The following SLCO3A1 variants were observed in gnomAD, a reference collection of about 807,000 sequenced individuals.
SLCO3A1 encodes solute carrier organic anion transporter family member 3A1, also known as PGE1 transporter.
Under a neutral mutation model 63.1 loss-of-function variants are expected in SLCO3A1, and 27 were observed. The ratio of observed to expected loss-of-function variants is 0.43; its 90% CI spans 0.32 to 0.59. The LOEUF is 0.59. Among genes scored for constraint, SLCO3A1 ranks in the 20% least tolerant of loss-of-function variants. The pLI, the probability that SLCO3A1 is intolerant of heterozygous loss-of-function variation, is 0.09. For synonymous variants in SLCO3A1, 473 were observed against 409.9 expected, an observed-to-expected ratio of 1.15 and a Z score of -1.86; for missense variants, 773 against 945.8, an observed-to-expected ratio of 0.82 and a Z score of 2.40.
chr15:91,858,116 T>TC (rs1471121468), intron 1 of SLCO3A1, among the ~76,000 whole-genome samples: 1 of 149,152 alleles, frequency 6.7e-6, no homozygotes, highest in Non-Finnish European at 1.5e-5. Context: ...TTGTTACTCC[T>TC]TTTTTTTTTC....
At chr15:92,059,601 A>G (rs868502846) in intron 2 of SLCO3A1, among the ~76,000 whole-genome samples, 5 of 152,224 alleles carry the variant, frequency 3.3e-5, no homozygotes, top group Middle Eastern at 3.4e-3. Flanking sequence ...ATGGCACACG[A>G]GGAGCCCAGG....
intron 1 of SLCO3A1, among the ~76,000 whole-genome samples, chr15:91,893,522 C>G (rs532042660): frequency 3.3e-5 from 5 of 152,246 alleles, no homozygotes; most frequent in African/African-American, 4.8e-5. Context: ...TCTTTGGGGC[C>G]TCTGTTATAA....
chr15:91,854,025 C>A lies in SLCO3A1; in HGVS notation c.117C>A (p.Ile39=). Residue 39 remains isoleucine (I), a synonymous_variant, in exon 1 of 10, where the codon ATC becomes ATA. Coordinates refer to ENST00000318445, the MANE Select transcript of SLCO3A1 (RefSeq NM_013272.4). The surrounding 1 kb of genome is among the most constrained non-coding windows in gnomAD (Gnocchi z 6.4). The stretch of plus-strand genomic sequence containing the variant: ...AGAAGGTGTCCTGCTTTTCCAACAT[C>A]AAGATCTTCCTGGTGTCCGAGTGCG... ...KKKKVSCFSN[I]KIFLVSECAL... 1 of 1,544,812 alleles carries A rather than the reference C, an allele frequency of 6.5e-7. No homozygotes were observed. Among genetic ancestry groups the A allele is most frequent in the Non-Finnish European group, 8.7e-7 (1 of 1,144,404 alleles).
chr15:92,149,537 T>C (rs375265786), intron 8 of SLCO3A1: 13 of 152,382 alleles, frequency 8.5e-5, no homozygotes, highest in African/African-American at 3.1e-4. Flanking sequence ...CAGCCCCTCT[T>C]AGGCCCCACG....
chr15:92,051,018 C>T (rs560339498), intron 2 of SLCO3A1, among the ~76,000 whole-genome samples: 1 of 152,338 alleles, frequency 6.6e-6, no homozygotes, highest in Admixed American at 6.5e-5. Flanking sequence ...ACTTCTCTGA[C>T]CCATCCAAAG....
intron 3 of SLCO3A1, among the ~76,000 whole-genome samples, chr15:92,097,576 A>G (rs1366471959): frequency 6.6e-6 from 1 of 152,182 alleles, no homozygotes; most frequent in Non-Finnish European, 1.5e-5. Context: ...TGGTGCCTGC[A>G]TGGATGTAAG....
chr15:91,855,584 T>C (rs1259598781), intron 1 of SLCO3A1, among the ~76,000 whole-genome samples: 3 of 152,330 alleles, frequency 2.0e-5, no homozygotes, highest in Admixed American at 6.5e-5. Flanking sequence ...TCTATAGTTA[T>C]AATATGCAGT....
chr15:91,942,964 C>T lies in SLCO3A1; in HGVS notation c.646+26506C>T, dbSNP rs572365619. On this transcript the variant is annotated intron_variant, in intron 2 of 9. Coordinates refer to ENST00000318445, the MANE Select transcript of SLCO3A1 (RefSeq NM_013272.4). The surrounding 1 kb of genome is among the most constrained non-coding windows in gnomAD (Gnocchi z 4.1). ...GGCCCAGGGCCCAGCCGTTTGACCTCGTTCTGCCTCCCTTTCTCTCCTAAA... is the reference window on the plus strand; with the variant it reads ...GGCCCAGGGCCCAGCCGTTTGACCTTGTTCTGCCTCCCTTTCTCTCCTAAA... 4.0e-4 allele frequency among the ~76,000 whole-genome samples: 61 copies of T among 152,354 alleles called. No homozygotes were observed. The highest frequency in any genetic ancestry group is 1.3e-3 in the African/African-American group (54 of 41,580).
At chr15:91,976,538 T>C (rs1395629841) in intron 2 of SLCO3A1, among the ~76,000 whole-genome samples, 2 of 152,172 alleles carry the variant, frequency 1.3e-5, no homozygotes, top group African/African-American at 4.8e-5. Context: ...GCTTCGAGAC[T>C]TTTTCCTCCT....
intron 2 of SLCO3A1, among the ~76,000 whole-genome samples, chr15:91,988,512 T>G (rs17644168): frequency 6.6e-6 from 1 of 151,526 alleles, no homozygotes; most frequent in African/African-American, 2.4e-5. Flanking sequence ...TTACATGGGA[T>G]GGTTCAGCAT....
At chr15:91,957,129 T>TATATATAATAC (rs1900262484) in intron 2 of SLCO3A1, among the ~76,000 whole-genome samples, 1 of 37,938 alleles carries the variant, frequency 2.6e-5, no homozygotes, top group African/African-American at 2.6e-4. Flanking sequence ...ATATATAATA[T>TATATATAATAC]ATATACTATA....
rs201735080 is a variant in SLCO3A1, at chr15:92,080,390, GT to G, written c.647-14476del. ...TATTATGGCAAGCCCAATACATGGA[GT>G]TTTTTTTTTTTTTTCCTCCAGTCCA... On this transcript the variant is annotated intron_variant, in intron 2 of 9. Transcript: ENST00000318445. 4.0e-3 allele frequency among the ~76,000 whole-genome samples: 568 copies of G among 143,528 alleles called. 5 individuals carry two copies. The highest frequency in any genetic ancestry group is 7.0e-3 in the African/African-American group (275 of 39,286). The allele number at this position is 143,528 out of a possible 152,430, so 94.2% of individuals were successfully genotyped here.
intron 2 of SLCO3A1, among the ~76,000 whole-genome samples, chr15:91,992,012 A>G (rs1178509219): frequency 1.3e-5 from 2 of 152,254 alleles, no homozygotes; most frequent in African/African-American, 4.8e-5. Context: ...ATAGACTTTC[A>G]TAAGTCCATC....
At chr15:92,057,836 A>G (rs1279508498) in intron 2 of SLCO3A1, among the ~76,000 whole-genome samples, 1 of 152,196 alleles carries the variant, frequency 6.6e-6, no homozygotes, top group Non-Finnish European at 1.5e-5. Flanking sequence ...CGGCGACACC[A>G]GGGGACTAAC....
At chr15:91,940,127 G>A (rs1313070464) in intron 2 of SLCO3A1, among the ~76,000 whole-genome samples, 1 of 151,934 alleles carries the variant, frequency 6.6e-6, no homozygotes, top group African/African-American at 2.4e-5. Flanking sequence ...CTTCAAACTT[G>A]CTTTCCCTCC....
At chr15:91,868,662 C>T (rs1897225631) in intron 1 of SLCO3A1, among the ~76,000 whole-genome samples, 1 of 152,106 alleles carries the variant, frequency 6.6e-6, no homozygotes, top group African/African-American at 2.4e-5. Flanking sequence ...TTAGCTTTCC[C>T]TCTCTAATTC....
At chr15:92,136,783 G>C (rs937992092) in intron 7 of SLCO3A1, among the ~76,000 whole-genome samples, 3 of 152,052 alleles carry the variant, frequency 2.0e-5, no homozygotes, top group African/African-American at 7.2e-5. Context: ...GCTGTCCTTG[G>C]TTTCTTGTAC....
At chr15:92,053,030 T>G (rs2046976216) in intron 2 of SLCO3A1, among the ~76,000 whole-genome samples, 1 of 152,202 alleles carries the variant, frequency 6.6e-6, no homozygotes, top group African/African-American at 2.4e-5. Context: ...CCAGCCCTTT[T>G]ATCTAACAGC....
intron 2 of SLCO3A1, among the ~76,000 whole-genome samples, chr15:92,027,527 C>T (rs2046590207): frequency 6.6e-6 from 1 of 152,242 alleles, no homozygotes; most frequent in African/African-American, 2.4e-5. Context: ...CCTGGTTTCT[C>T]TGTCGTCTTC....
Sources: gnomAD v4.1 joint callset for allele counts (sites outside exome capture counted in the v4.1 genomes callset) on GRCh38, gnomAD v4.1.1 for gene constraint, Gnocchi (gnomAD v3.1) non-coding constraint, MANE v1.5 for transcripts, NCBI Gene and HGNC (gene_info 2026-07-23, HGNC 2026-07-21) for gene names.